AGMO: variants seen among roughly 807,000 people sequenced by gnomAD.
The protein encoded by AGMO is alkylglycerol monooxygenase, also known as glyceryl-ether monooxygenase.
AGMO carries 75 observed loss-of-function variants against 60.2 expected under a neutral mutation model. The ratio of observed to expected loss-of-function variants is 1.25; its 90% CI spans 1.03 to 1.51. The LOEUF (loss-of-function observed/expected upper bound fraction) is 1.51, where lower values mean the gene tolerates loss of function less well. AGMO is among the 40% of genes most tolerant of loss of function. AGMO has a pLI of 0.00. For synonymous variants in AGMO, 261 were observed against 177.1 expected (o/e 1.47, Z -3.76); for missense variants, 763 against 525.5 (o/e 1.45, Z -4.42).
intron 3 of AGMO, among the ~76,000 whole-genome samples, chr7:15,484,227 A>G (rs1422307190): frequency 6.6e-6 from 1 of 152,192 alleles, no homozygotes; most frequent in Non-Finnish European, 1.5e-5. Flanking sequence ...AAGTAGAGGC[A>G]GAGTAAAGAA....
intron 12 of AGMO, among the ~76,000 whole-genome samples, chr7:15,341,596 A>T (rs4346896): frequency 0.083 from 12,701 of 152,200 alleles, 1,027 homozygotes; most frequent in African/African-American, 0.21. Flanking sequence ...CCTGTTACAC[A>T]GTTCCAAAGG....
At chr7:15,201,552 G>A (rs1400240308) in intron 12 of AGMO, among the ~76,000 whole-genome samples, 193 bp from the exon 13 acceptor site, 1 of 152,140 alleles carries the variant, frequency 6.6e-6, no homozygotes, top group Non-Finnish European at 1.5e-5. Context: ...TGTGAAGACA[G>A]GAGCAGGAGT....
At chr7:15,427,010 A>G (rs1264098394) in intron 4 of AGMO, among the ~76,000 whole-genome samples, 1 of 152,172 alleles carries the variant, frequency 6.6e-6, no homozygotes, top group African/African-American at 2.4e-5. Context: ...AGGCAGAGTT[A>G]GCTTCATTCG....
At chr7:15,139,133 T>C in the AGMO span, among the ~76,000 whole-genome samples, 1 of 152,058 alleles carries the variant, frequency 6.6e-6, no homozygotes, top group East Asian at 1.9e-4. Flanking sequence ...TTATTATTCT[T>C]ATCACATAAA....
rs183456531 is a variant in AGMO, at chr7:15,519,456, C to T, written c.409+25316G>A. ...GAAGCCCAACAGACTAACAGCAGATCTCTCTGCAGAAACCCTACTAGCCAG... is the reference window on the plus strand; with the variant it reads ...GAAGCCCAACAGACTAACAGCAGATTTCTCTGCAGAAACCCTACTAGCCAG... On this transcript the variant is annotated intron_variant, in intron 3 of 12. Coordinates refer to ENST00000342526, the MANE Select transcript of AGMO (RefSeq NM_001004320.2). 2.0e-3 allele frequency among the ~76,000 whole-genome samples: 306 copies of T among 152,308 alleles called. 1 individual carries two copies. The highest frequency in any genetic ancestry group is 3.3e-3 in the Non-Finnish European group (225 of 68,034).
chr7:15,223,241 G>A (rs1177175738), intron 12 of AGMO, among the ~76,000 whole-genome samples: 1 of 151,794 alleles, frequency 6.6e-6, no homozygotes, highest in African/African-American at 2.4e-5. Flanking sequence ...CTTCTGACTT[G>A]ATCATTATTG....
At chr7:15,453,984 C>T (rs1426884451) in intron 3 of AGMO, among the ~76,000 whole-genome samples, 1 of 146,240 alleles carries the variant, frequency 6.8e-6, no homozygotes, top group Non-Finnish European at 1.5e-5. Flanking sequence ...TATTATATAC[C>T]TAATATATAT....
At chr7:15,431,906 G>T (rs181125649) in intron 3 of AGMO, among the ~76,000 whole-genome samples, 1 of 151,722 alleles carries the variant, frequency 6.6e-6, no homozygotes, top group Non-Finnish European at 1.5e-5. Context: ...ACACTGCATT[G>T]ATCCCCTAAG....
At chr7:15,412,404 G>C (rs192715817) in intron 5 of AGMO, among the ~76,000 whole-genome samples, 2 of 152,102 alleles carry the variant, frequency 1.3e-5, no homozygotes, top group African/African-American at 4.8e-5. Flanking sequence ...GATACCTAAA[G>C]TGACTGGAAA....
At chr7:15,381,553 G>A (rs1322457391) in intron 10 of AGMO, among the ~76,000 whole-genome samples, 1 of 152,092 alleles carries the variant, frequency 6.6e-6, no homozygotes, top group South Asian at 2.1e-4. Context: ...TGGAGATAAA[G>A]GAATGCTTAT....
intron 12 of AGMO, among the ~76,000 whole-genome samples, chr7:15,244,821 T>G (rs1782694981): frequency 6.6e-6 from 1 of 152,024 alleles, no homozygotes; most frequent in Admixed American, 6.5e-5. Context: ...GTGGCTAATT[T>G]TTTTGTATTT....
chr7:15,437,592 T>C (rs1237905922), intron 3 of AGMO, among the ~76,000 whole-genome samples: 1 of 146,580 alleles, frequency 6.8e-6, no homozygotes, highest in African/African-American at 2.5e-5. Flanking sequence ...TCGAGTGCAG[T>C]GGTGGGATCT....
At chr7:15,352,798 C>T (rs1372752787) in intron 12 of AGMO, among the ~76,000 whole-genome samples, 1 of 151,844 alleles carries the variant, frequency 6.6e-6, no homozygotes, top group African/African-American at 2.4e-5. Context: ...AATCTGTCCA[C>T]TTACAGATCT....
chr7:15,523,785 G>A (rs1404698864), intron 3 of AGMO, among the ~76,000 whole-genome samples: 7 of 152,172 alleles, frequency 4.6e-5, no homozygotes, highest in Non-Finnish European at 7.4e-5. Flanking sequence ...GTATACCTAT[G>A]TGACACACCT....
intron 5 of AGMO, among the ~76,000 whole-genome samples, chr7:15,405,121 C>A (rs1784653472): frequency 6.6e-6 from 1 of 151,794 alleles, no homozygotes. Flanking sequence ...TTTCCCTTGT[C>A]CTCTTAGGGA....
chr7:15,392,520 G>C (rs1305608605), intron 6 of AGMO, among the ~76,000 whole-genome samples: 1 of 152,014 alleles, frequency 6.6e-6, no homozygotes, highest in East Asian at 1.9e-4. Flanking sequence ...ATGCTTTTAG[G>C]CTGGGTGCAG....
intron 12 of AGMO, among the ~76,000 whole-genome samples, chr7:15,258,817 G>A (rs1318589038): frequency 1.3e-5 from 2 of 152,068 alleles, no homozygotes; most frequent in East Asian, 3.9e-4. Context: ...AGACTCAGAA[G>A]AGCAAAAACA....
intron 5 of AGMO, among the ~76,000 whole-genome samples, chr7:15,405,174 C>T (rs1784654825): frequency 6.6e-6 from 1 of 151,746 alleles, no homozygotes; most frequent in Non-Finnish European, 1.5e-5. Context: ...TGACTCAGGT[C>T]TTTCCTATGA....
chr7:15,397,222 G>A (rs1445312942), intron 5 of AGMO, among the ~76,000 whole-genome samples: 1 of 152,128 alleles, frequency 6.6e-6, no homozygotes, highest in Non-Finnish European at 1.5e-5. Flanking sequence ...CTACGACCCC[G>A]CGAAGAGGGA....
Sources: allele counts gnomAD v4.1 joint callset (sites outside exome capture counted in the v4.1 genomes callset), GRCh38; gene constraint gnomAD v4.1.1; transcripts MANE v1.5; gene names NCBI Gene and HGNC (gene_info 2026-07-23, HGNC 2026-07-21).